The following IRGM variants were observed in gnomAD, a reference collection of about 807,000 sequenced individuals.
IRGM encodes the protein immunity-related GTPase family M protein.
For missense variants in IRGM, 288 were observed against 219.9 expected (o/e 1.31, Z -1.96); for synonymous variants, 98 against 80.6 (o/e 1.22, Z -1.16).
At chr5:150,897,352 GTATCTT>G (rs983855309) in intron 3 of IRGM, 3 of 166,060 alleles carry the variant, frequency 1.8e-5, no homozygotes, top group African/African-American at 7.2e-5. Context: ...AAAAAACAAG[GTATCTT>G]CTGTATGCAA....
intron 3 of IRGM, among the ~76,000 whole-genome samples, chr5:150,887,355 C>T (rs1009502404): frequency 6.6e-6 from 1 of 151,936 alleles, no homozygotes; most frequent in Non-Finnish European, 1.5e-5. Flanking sequence ...AACTTGAAGA[C>T]TGGCTCTCTG....
rs75048971 is a variant in IRGM at position 150,880,381 on chromosome 5, G to A, written c.*140+735G>A. Among the ~76,000 whole-genome samples the A allele has an allele frequency of 4.2e-3, 641 of 152,208 alleles. 4 individuals are homozygous for A. The highest frequency in any genetic ancestry group is 0.015 in the African/African-American group (605 of 41,536). ...AATTGTAGAAATTTATGCTTAAACCGAAATTAAGAACCTGGGTTTATTTTA... is the reference window on the plus strand; with the variant it reads ...AATTGTAGAAATTTATGCTTAAACCAAAATTAAGAACCTGGGTTTATTTTA... On this transcript the variant is annotated intron_variant and NMD_transcript_variant, in intron 3 of 3. Coordinates refer to the IRGM transcript ENST00000520549.
chr5:150,888,134 G>A (rs1344640359), intron 3 of IRGM, among the ~76,000 whole-genome samples: 1 of 151,868 alleles, frequency 6.6e-6, no homozygotes, highest in African/African-American at 2.4e-5. Context: ...GAAAAAAGCA[G>A]GGATTGCAAT....
chr5:150,854,202 A>G (rs1205625527), intron 1 of IRGM, among the ~76,000 whole-genome samples: 1 of 152,078 alleles, frequency 6.6e-6, no homozygotes, highest in Non-Finnish European at 1.5e-5. Flanking sequence ...TTGCTTTTTT[A>G]CAACTTTCCC....
At chr5:150,898,136 TCTC>T in intron 3 of IRGM, 5 of 1,613,634 alleles carry the variant, frequency 3.1e-6, no homozygotes, top group South Asian at 2.2e-5. Context: ...CCATGGCTCT[TCTC>T]CTTGTTCCAA....
In IRGM at chr5:150,858,676, C is replaced by G. The variant is rs534008681; in HGVS notation, c.158+10022C>G. On this transcript the variant is annotated intron_variant and NMD_transcript_variant, in intron 1 of 3. Transcript: ENST00000520549. The stretch of plus-strand genomic sequence containing the variant: ...AAGTTGGATTCCTAGGTATTTTATT[C>G]TCTTTGAAGCAATTGTGAATGGGAG... Among the ~76,000 whole-genome samples the G allele has an allele frequency of 8.1e-3, 1,232 of 151,934 alleles. 6 individuals are homozygous for G. Among genetic ancestry groups the G allele is most frequent in the Non-Finnish European group, 0.013 (863 of 67,868 alleles).
chr5:150,897,712 T>G, intron 3 of IRGM: 1 of 260,652 alleles, frequency 3.8e-6, no homozygotes, highest in East Asian at 7.5e-5. Context: ...TTTAGACTCT[T>G]AATTTTCTCT....
In IRGM at chr5:150,848,485, C is replaced by T. The variant is rs1753919907; in HGVS notation, c.362C>T (p.Ala121Val). ...TATGACTTCATCATGGTTGCATCTG[C>T]ACAATTCAGCATGAATCATGTGATG... ...NRYDFIMVAS[A>V]QFSMNHVMLA... The change falls in exon 2 of 2, where the codon GCA (alanine) becomes GTA (valine). Residue 121 changes from alanine to valine, a missense_variant. By Grantham distance (64) the Ala-to-Val change is moderately conservative (BLOSUM62 0). Transcript: ENST00000522154. 1 of 1,551,812 alleles carries T rather than the reference C, an allele frequency of 6.4e-7. No individual in the cohort carries two copies. The highest frequency in any genetic ancestry group is 8.7e-7 in the Non-Finnish European group (1 of 1,146,966).
chr5:150,888,694 T>C (rs888488891), intron 3 of IRGM, among the ~76,000 whole-genome samples: 1 of 152,032 alleles, frequency 6.6e-6, no homozygotes, highest in Non-Finnish European at 1.5e-5. Flanking sequence ...TCTGAATGAC[T>C]ATGGGGTAAA....
At chr5:150,858,340 A>T (rs1383417316) in intron 1 of IRGM, among the ~76,000 whole-genome samples, 1 of 152,130 alleles carries the variant, frequency 6.6e-6, no homozygotes, top group East Asian at 1.9e-4. Flanking sequence ...CTTGTAGTAT[A>T]GTTTGAAGTC....
chr5:150,855,121 G>C (rs1754032942), intron 1 of IRGM, among the ~76,000 whole-genome samples: 1 of 152,136 alleles, frequency 6.6e-6, no homozygotes, highest in Admixed American at 6.5e-5. Flanking sequence ...ATGAACACAA[G>C]TAGGACCAAG....
chr5:150,856,746 A>T (rs1441795850), intron 1 of IRGM, among the ~76,000 whole-genome samples: 3 of 151,610 alleles, frequency 2.0e-5, no homozygotes, highest in Non-Finnish European at 4.4e-5. Flanking sequence ...CTAGGATTAC[A>T]GGTGTGAGCC....
At chr5:150,886,609 T>C (rs1289660944) in intron 3 of IRGM, among the ~76,000 whole-genome samples, 1 of 151,906 alleles carries the variant, frequency 6.6e-6, no homozygotes, top group Non-Finnish European at 1.5e-5. Flanking sequence ...AAATCAATTT[T>C]TTCCTGGTTC....
intron 3 of IRGM, chr5:150,896,642 G>A: frequency 1.9e-6 from 3 of 1,613,490 alleles, no homozygotes; most frequent in Non-Finnish European, 2.5e-6. Context: ...AACTCGGTAG[G>A]TCAATATTTG....
At chr5:150,891,282 C>CT (rs1754606372) in intron 3 of IRGM, among the ~76,000 whole-genome samples, 1 of 151,978 alleles carries the variant, frequency 6.6e-6, no homozygotes, top group African/African-American at 2.4e-5. Flanking sequence ...CATAGTATAT[C>CT]TTTTTTCCAT....
Position 150,896,050 on chromosome 5 carries a change from T to G in IRGM, c.*141-4539T>G, listed in dbSNP as rs774664117. 14 of 1,613,432 alleles carry G rather than the reference T, an allele frequency of 8.7e-6. No individual in the cohort carries two copies. The East Asian group carries it at 3.1e-4, about 36-fold the overall frequency. Reference sequence around the variant, plus strand: ...CCAGTATGAGCTCTGTGGTGTATAATCAGCTGTGACTTCTGGGAAAAGGCC... The same window carrying G: ...CCAGTATGAGCTCTGTGGTGTATAAGCAGCTGTGACTTCTGGGAAAAGGCC... On this transcript the variant is annotated intron_variant and NMD_transcript_variant, in intron 3 of 3. Transcript: ENST00000520549.
intron 3 of IRGM, among the ~76,000 whole-genome samples, chr5:150,881,981 T>C (rs1224995955): frequency 1.3e-5 from 2 of 152,184 alleles, no homozygotes; most frequent in East Asian, 3.9e-4. Context: ...CCAGGAGTTA[T>C]TGACTGCCTG....
intron 1 of IRGM, among the ~76,000 whole-genome samples, chr5:150,858,758 AT>A (rs1754094232): frequency 6.6e-6 from 1 of 152,044 alleles, no homozygotes; most frequent in Non-Finnish European, 1.5e-5. Flanking sequence ...AATGCTTGTA[AT>A]TTTTGTACAT....
chr5:150,878,179 TTTG>T (rs1554128259), intron 2 of IRGM: 73 of 378,204 alleles, frequency 1.9e-4, no homozygotes, highest in Non-Finnish European at 3.5e-4. Context: ...AACTTTTTTT[TTTG>T]TTGTTGTTGT....
Sources: gnomAD v4.1 joint callset for allele counts (sites outside exome capture counted in the v4.1 genomes callset) on GRCh38, gnomAD v4.1.1 for gene constraint, MANE v1.5 for transcripts, NCBI Gene and HGNC (gene_info 2026-07-23, HGNC 2026-07-21) for gene names.